Variants in FRMD6 observed in about 807,000 individuals in gnomAD.
FRMD6 encodes FERM domain-containing protein 6.
FRMD6 carries 37 observed loss-of-function variants against 73.2 expected under a neutral mutation model. The ratio of observed to expected loss-of-function variants is 0.51; its 90% CI spans 0.39 to 0.66. FRMD6 has a LOEUF of 0.66. Ranked by LOEUF, FRMD6 falls within the 30% of genes least tolerant of loss-of-function variation. FRMD6 has a pLI of 0.00. For synonymous variants in FRMD6, 273 were observed against 282.2 expected (o/e 0.97, Z 0.33); for missense variants, 714 against 780.5 (o/e 0.91, Z 1.02).
intron 1 of FRMD6, among the ~76,000 whole-genome samples, chr14:51,521,189 C>T (rs1389167843): frequency 6.6e-6 from 1 of 152,082 alleles, no homozygotes; most frequent in East Asian, 1.9e-4. Flanking sequence ...GATGGTCACA[C>T]AGACGTATAC....
Position 51,715,580 on chromosome 14 carries a change from C to A in FRMD6, c.1024+81C>A, listed in dbSNP as rs1280241513. On this transcript the variant is annotated intron_variant, in intron 10 of 13. Transcript: ENST00000344768. ...TTACTCTGAATGGGGGTTTTGAGCTCCTACAGAATTGGATTTTGGGACTGG... is the reference window on the plus strand; with the variant it reads ...TTACTCTGAATGGGGGTTTTGAGCTACTACAGAATTGGATTTTGGGACTGG... 4.1e-6 allele frequency: 5 copies of A among 1,227,672 alleles called. No individual in the cohort carries two copies. The East Asian group carries it at 1.3e-4, about 31-fold the overall frequency. 76.0% of individuals were successfully genotyped at this position (1,227,672 alleles called of 1,614,324 possible).
chr14:51,568,368 C>T (rs766700654), intron 1 of FRMD6, among the ~76,000 whole-genome samples: 4 of 152,204 alleles, frequency 2.6e-5, no homozygotes, highest in South Asian at 2.1e-4. Flanking sequence ...AGGAGTACAG[C>T]GTGAGCTGTA....
At chr14:51,654,527 T>C (rs1892685887) in intron 1 of FRMD6, among the ~76,000 whole-genome samples, 1 of 152,006 alleles carries the variant, frequency 6.6e-6, no homozygotes. Context: ...GATAAAGGAA[T>C]TCTTTGTAGT....
the FRMD6 span, among the ~76,000 whole-genome samples, chr14:51,441,162 AGCCAGAGG>A: frequency 6.6e-6 from 1 of 152,250 alleles, no homozygotes; most frequent in African/African-American, 2.4e-5. Context: ...CTCCTTCTGC[AGCCAGAGG>A]GCGGGACCTC....
chr14:51,543,026 A>G (rs1886282505), intron 1 of FRMD6, among the ~76,000 whole-genome samples: 1 of 151,996 alleles, frequency 6.6e-6, no homozygotes, highest in Non-Finnish European at 1.5e-5. Flanking sequence ...ATTTTCTCCC[A>G]TTCTATGAAT....
chr14:51,596,283 G>T lies in FRMD6; in HGVS notation c.-147+25873G>T, dbSNP rs141248913. ...TGTGTGTGTGTGTGTGTGTGTATGG[G>T]TATGTGTGAAATTCCACAGGAAATC... On this transcript the variant is annotated intron_variant, in intron 2 of 14. Transcript: ENST00000356218. Among the ~76,000 whole-genome samples the T allele has an allele frequency of 4.0e-3, 598 of 151,018 alleles. 3 individuals are homozygous for T. The highest frequency in any genetic ancestry group is 6.8e-3 in the Non-Finnish European group (464 of 67,848).
intron 7 of FRMD6, among the ~76,000 whole-genome samples, chr14:51,709,370 A>C (rs190572988): frequency 2.0e-4 from 31 of 152,332 alleles, no homozygotes; most frequent in Admixed American, 2.6e-4. Context: ...TGCCCAGCAC[A>C]TGTTAAGCAT....
intron 1 of FRMD6, among the ~76,000 whole-genome samples, chr14:51,538,470 G>A (rs1489966657): frequency 6.6e-6 from 1 of 151,924 alleles, no homozygotes; most frequent in Non-Finnish European, 1.5e-5. Context: ...AGAAATCATT[G>A]CCTAATCCAA....
intron 2 of FRMD6, chr14:51,576,296 G>A (rs117595656): frequency 6.6e-6 from 1 of 152,308 alleles, no homozygotes; most frequent in East Asian, 1.9e-4. Context: ...AGTGTGGTGG[G>A]AACAGGGAAT....
chr14:51,643,951 TAAGTA>T (rs1474683506), intron 2 of FRMD6, among the ~76,000 whole-genome samples: 4 of 152,284 alleles, frequency 2.6e-5, no homozygotes, highest in East Asian at 1.9e-4. Context: ...GATGTATAGT[TAAGTA>T]TAGTTTCACT....
At chr14:51,580,343 T>C (rs192233070) in intron 2 of FRMD6, among the ~76,000 whole-genome samples, 99 of 152,320 alleles carry the variant, frequency 6.5e-4, no homozygotes, top group Non-Finnish European at 1.1e-3. Flanking sequence ...TCAGCAATAA[T>C]AATTTAGTAG....
At chr14:51,605,152 T>G (rs1366092559) in intron 2 of FRMD6, among the ~76,000 whole-genome samples, 1 of 149,630 alleles carries the variant, frequency 6.7e-6, no homozygotes, top group Non-Finnish European at 1.5e-5. Flanking sequence ...TTTTTTTTTT[T>G]TTTTTTATTG....
At chr14:51,468,837 A>C in the FRMD6 span, among the ~76,000 whole-genome samples, 1 of 152,052 alleles carries the variant, frequency 6.6e-6, no homozygotes, top group Non-Finnish European at 1.5e-5. Flanking sequence ...ATAGGTGATA[A>C]ATTTTGCGAA....
chr14:51,433,061 A>T, the FRMD6 span, among the ~76,000 whole-genome samples: 1 of 152,246 alleles, frequency 6.6e-6, no homozygotes, highest in Non-Finnish European at 1.5e-5. Flanking sequence ...AATAAATTTT[A>T]CAACACATTC....
chr14:51,622,261 A>G (rs1462398959), intron 2 of FRMD6, among the ~76,000 whole-genome samples: 2 of 152,198 alleles, frequency 1.3e-5, no homozygotes, highest in Non-Finnish European at 2.9e-5. Context: ...CAAATTTCCA[A>G]TCCTTCAGCA....
chr14:51,448,756 A>G, the FRMD6 span, among the ~76,000 whole-genome samples: 1 of 152,212 alleles, frequency 6.6e-6, no homozygotes, highest in Non-Finnish European at 1.5e-5. Context: ...TCTTCTTCAA[A>G]TAAAACTCCT....
chr14:51,420,215 A>T, the FRMD6 span, among the ~76,000 whole-genome samples: 1 of 152,240 alleles, frequency 6.6e-6, no homozygotes, highest in Non-Finnish European at 1.5e-5. Context: ...TATATGAGAG[A>T]GAAATATACT....
chr14:51,694,279 C>T (rs867815709), intron 2 of FRMD6, among the ~76,000 whole-genome samples: 1 of 152,178 alleles, frequency 6.6e-6, no homozygotes, highest in Non-Finnish European at 1.5e-5. Context: ...ATTGTGGCCA[C>T]GAGCTTATAT....
intron 1 of FRMD6, among the ~76,000 whole-genome samples, chr14:51,497,179 C>A (rs1247180291): frequency 6.6e-6 from 1 of 151,886 alleles, no homozygotes; most frequent in Non-Finnish European, 1.5e-5. Context: ...TGATTAGAAT[C>A]TGGCTCTACT....
Sources: gnomAD v4.1 joint callset for allele counts (sites outside exome capture counted in the v4.1 genomes callset) on GRCh38, gnomAD v4.1.1 for gene constraint, MANE v1.5 for transcripts, NCBI Gene and HGNC (gene_info 2026-07-23, HGNC 2026-07-21) for gene names.